PREX2: variants seen among roughly 807,000 people sequenced by gnomAD.
PREX2 encodes phosphatidylinositol-3,4,5-trisphosphate dependent Rac exchange factor 2, also known as phosphatidylinositol 3,4,5-trisphosphate-dependent Rac exchanger 2 protein.
In PREX2, 107 loss-of-function variants were observed where a neutral mutation model predicts 203.2. That is an observed-to-expected ratio of 0.53 (90% CI 0.45 to 0.62). The LOEUF is 0.62. PREX2 is among the 20% of genes least tolerant of loss of function. The pLI, the probability that PREX2 is intolerant of heterozygous loss-of-function variation, is 0.00. For missense variants in PREX2, 1,777 were observed against 1,955.9 expected (o/e 0.91, Z 1.72); for synonymous variants, 672 against 663.6 (o/e 1.01, Z -0.19).
chr8:68,067,779 G>C (rs1380261019), intron 11 of PREX2, among the ~76,000 whole-genome samples: 1 of 152,002 alleles, frequency 6.6e-6, no homozygotes, highest in Non-Finnish European at 1.5e-5. Flanking sequence ...GAGAAAGTAG[G>C]CATCTTTGTC....
intron 1 of PREX2, among the ~76,000 whole-genome samples, chr8:67,979,704 G>C (rs1290417339): frequency 6.6e-6 from 1 of 152,138 alleles, no homozygotes. Flanking sequence ...CTTAAAATAT[G>C]TATGTTTACA....
At chr8:67,958,172 A>G (rs2129016919) in intron 1 of PREX2, among the ~76,000 whole-genome samples, 1 of 152,344 alleles carries the variant, frequency 6.6e-6, no homozygotes, top group South Asian at 2.1e-4. Context: ...GCCTGTGCAG[A>G]CAAACGCAGC....
chr8:68,192,095 A>G (rs1476616762), intron 36 of PREX2, among the ~76,000 whole-genome samples: 1 of 152,168 alleles, frequency 6.6e-6, no homozygotes, highest in Non-Finnish European at 1.5e-5. Context: ...TTACTTATTT[A>G]TTCAAATTTA....
At chr8:68,107,345 T>G (rs2129612770) in intron 23 of PREX2, among the ~76,000 whole-genome samples, 1 of 152,092 alleles carries the variant, frequency 6.6e-6, no homozygotes, top group South Asian at 2.1e-4. Context: ...GGAAGAAAGC[T>G]TGAGATAGAG....
intron 37 of PREX2, among the ~76,000 whole-genome samples, chr8:68,196,205 G>A (rs74615276): frequency 0.013 from 1,941 of 151,806 alleles, 30 homozygotes; most frequent in East Asian, 0.056. Context: ...AGTGGCAGAG[G>A]AGTAGGCTGG....
In PREX2 at chr8:68,055,858, C is replaced by T; in HGVS notation, c.1122C>T (p.Thr374=). Residue 374 remains threonine, a synonymous_variant, in exon 10 of 40, where the codon ACC becomes ACT. Coordinates refer to ENST00000288368, the MANE Select transcript of PREX2 (RefSeq NM_024870.4). The part of the protein sequence containing the change: ...KGLKLGMEQD[T]WVMISEQGEK... ...TAAAATTAGGAATGGAGCAAGATAC[C>T]TGGGTCATGATCTCTGAACAGGGTG... 6.2e-7 allele frequency: 1 copy of T among 1,613,006 alleles called. No homozygotes were observed. The highest frequency in any genetic ancestry group is 8.5e-7 in the Non-Finnish European group (1 of 1,179,576).
At chr8:68,184,187 AC>A (rs1243328353) in intron 35 of PREX2, among the ~76,000 whole-genome samples, 3 of 152,088 alleles carry the variant, frequency 2.0e-5, no homozygotes, top group Non-Finnish European at 4.4e-5. Context: ...GTATTCTTTA[AC>A]CACATGTGGC....
chr8:67,967,431 G>T (rs1290049827), intron 1 of PREX2, among the ~76,000 whole-genome samples: 1 of 152,154 alleles, frequency 6.6e-6, no homozygotes, highest in Admixed American at 6.5e-5. Context: ...TACCATTGAG[G>T]AGCTTATTTT....
intron 38 of PREX2, chr8:68,220,159 A>G (rs895621810): frequency 2.4e-4 from 36 of 152,044 alleles, no homozygotes; most frequent in Non-Finnish European, 5.0e-4. Flanking sequence ...TAATTTCAAT[A>G]TTGTTTTCCT....
At chr8:68,168,120 G>A (rs1759873249) in intron 35 of PREX2, among the ~76,000 whole-genome samples, 1 of 152,298 alleles carries the variant, frequency 6.6e-6, no homozygotes, top group Non-Finnish European at 1.5e-5. Context: ...ATACAGCTAC[G>A]TGTACGGATT....
intron 1 of PREX2, among the ~76,000 whole-genome samples, chr8:68,002,875 T>TTA (rs1428614670): frequency 2.0e-5 from 3 of 152,192 alleles, no homozygotes; most frequent in African/African-American, 7.2e-5. Context: ...TTAAATCAAG[T>TTA]TATATGGCTG....
chr8:68,002,978 C>T (rs906580086), intron 1 of PREX2, among the ~76,000 whole-genome samples: 6 of 152,146 alleles, frequency 3.9e-5, no homozygotes, highest in African/African-American at 1.4e-4. Context: ...AGAAAGCTCT[C>T]TGGAGGATTG....
chr8:68,165,742 A>G (rs1811748633), intron 35 of PREX2, among the ~76,000 whole-genome samples: 1 of 151,928 alleles, frequency 6.6e-6, no homozygotes, highest in African/African-American at 2.4e-5. Context: ...GCTTTTTCTT[A>G]TTGTGCACAA....
At chr8:68,096,526 TC>T (rs1810078903) in intron 21 of PREX2, among the ~76,000 whole-genome samples, 1 of 152,174 alleles carries the variant, frequency 6.6e-6, no homozygotes, top group African/African-American at 2.4e-5. Flanking sequence ...ATGAGCCCTC[TC>T]TGTAAGTTGC....
intron 37 of PREX2, among the ~76,000 whole-genome samples, chr8:68,201,390 A>G (rs1026443199): frequency 6.6e-6 from 1 of 152,174 alleles, no homozygotes; most frequent in Admixed American, 6.5e-5. Context: ...ATTAAGGAGT[A>G]TTGACTCACA....
At chr8:68,011,572 T>A (rs375979372) in intron 1 of PREX2, among the ~76,000 whole-genome samples, 6 of 152,148 alleles carry the variant, frequency 3.9e-5, no homozygotes, top group African/African-American at 1.4e-4. Context: ...GTTATTCAGG[T>A]AGATAGGCCC....
At chr8:68,007,972 A>G in intron 1 of PREX2, among the ~76,000 whole-genome samples, 1 of 152,278 alleles carries the variant, frequency 6.6e-6, no homozygotes, top group African/African-American at 2.4e-5. Context: ...AGTAGATACC[A>G]TATTACTCTT....
chr8:68,128,183 C>T (rs1265930081), intron 31 of PREX2, among the ~76,000 whole-genome samples: 1 of 152,148 alleles, frequency 6.6e-6, no homozygotes, highest in Non-Finnish European at 1.5e-5. Flanking sequence ...GCGTCTCTTT[C>T]TGTAGATTCA....
rs553058874 is a variant in PREX2, at chr8:68,162,285, TAGAA to T, written c.4346+4853_4346+4856del. On this transcript the variant is annotated intron_variant, in intron 35 of 39. Coordinates refer to ENST00000288368, the MANE Select transcript of PREX2 (RefSeq NM_024870.4). ...TGATGAAAACCATTTTATAATTCCT[TAGAA>T]AGAGGTTTTCTCAATTTCTGTTTAC... Among the ~76,000 whole-genome samples, 76 of 152,330 alleles carry T rather than the reference TAGAA, an allele frequency of 5.0e-4. 1 individual carries two copies. In the South Asian group the frequency reaches 0.012, roughly 24 times the overall value.
Sources: gnomAD v4.1 joint callset for allele counts (sites outside exome capture counted in the v4.1 genomes callset) on GRCh38, gnomAD v4.1.1 for gene constraint, MANE v1.5 for transcripts, NCBI Gene and HGNC (gene_info 2026-07-23, HGNC 2026-07-21) for gene names.